Variants in ARID1A observed in about 807,000 individuals in gnomAD.
ARID1A encodes the protein AT-rich interaction domain 1A.
A neutral mutation model predicts 212.6 loss-of-function variants in ARID1A; 20 were observed. The observed-to-expected ratio is 0.09, with a 90% CI of 0.07 to 0.14. The LOEUF (loss-of-function observed/expected upper bound fraction) is 0.14, where lower values mean the gene tolerates loss of function less well. ARID1A is among the 10% of genes least tolerant of loss of function. The pLI, the probability that ARID1A is intolerant of heterozygous loss-of-function variation, is 1.00. For synonymous variants in ARID1A, 1,376 were observed against 1,222.1 expected (o/e 1.13, Z -2.63); for missense variants, 2,587 against 3,059.0 (o/e 0.85, Z 3.64).
chr1:26,772,075 G>T, intron 12 of ARID1A: 1 of 183,762 alleles, frequency 5.4e-6, no homozygotes, highest in Non-Finnish European at 1.2e-5. Flanking sequence ...CTTTAGAACA[G>T]GAGCTCCTAG....
chr1:26,711,690 G>A (rs2080456146), intron 1 of ARID1A, among the ~76,000 whole-genome samples: 1 of 152,134 alleles, frequency 6.6e-6, no homozygotes, highest in Admixed American at 6.5e-5. Context: ...GGGGCTCCCT[G>A]CCTTCCATTT....
At chr1:26,720,913 A>G (rs1331321247) in intron 1 of ARID1A, among the ~76,000 whole-genome samples, 3 of 151,296 alleles carry the variant, frequency 2.0e-5, no homozygotes, top group Admixed American at 6.6e-5. Context: ...CCCCCATCCC[A>G]GACCTGCTAA....
chr1:26,760,764 T>G (rs2080983839), intron 4 of ARID1A, 92 bp from the exon 5 acceptor site: 1 of 1,386,172 alleles, frequency 7.2e-7, no homozygotes, highest in Admixed American at 2.0e-5. Flanking sequence ...TCTTGGTTGT[T>G]TAAGGAAAAT....
At position 26,766,556 on chromosome 1, in the gene ARID1A, C is replaced by G. The variant is rs768939369; in HGVS notation, c.2978C>G (p.Ser993Cys). 6.2e-7 allele frequency: 1 copy of G among 1,611,020 alleles called. No individual in the cohort carries two copies. The highest frequency in any genetic ancestry group is 8.5e-7 in the Non-Finnish European group (1 of 1,178,520). ...GCAGATGGGACACCCAAGACAGAATCCAAATCCAAGGTAGTGATTTTTGTC... is the reference window on the plus strand; with the variant it reads ...GCAGATGGGACACCCAAGACAGAATGCAAATCCAAGGTAGTGATTTTTGTC... ...NKADGTPKTESKSKKSSSSTT... is the reference protein window; with the variant it reads ...NKADGTPKTECKSKKSSSSTT... The change falls in exon 10 of 20, where the codon TCC becomes TGC. Residue 993 changes from serine (S) to cysteine (C), a missense_variant. This residue lies in a region of ARID1A where 674 missense variants were observed against 813.4 expected (regional missense o/e 0.83). Coordinates refer to ENST00000324856, the MANE Select transcript of ARID1A (RefSeq NM_006015.6).
intron 4 of ARID1A, among the ~76,000 whole-genome samples, chr1:26,735,962 C>T (rs1452941047): frequency 1.3e-5 from 2 of 152,152 alleles, no homozygotes; most frequent in Non-Finnish European, 2.9e-5. Flanking sequence ...ACTACCTAAT[C>T]AAGCTTCAAG....
chr1:26,736,090 C>T (rs531841482), intron 4 of ARID1A, among the ~76,000 whole-genome samples: 1 of 151,880 alleles, frequency 6.6e-6, no homozygotes, highest in East Asian at 1.9e-4. Context: ...TTTGGGAGGC[C>T]AAGGCGGGCA....
chr1:26,720,476 CAA>C (rs750462088), intron 1 of ARID1A, among the ~76,000 whole-genome samples: 11 of 97,750 alleles, frequency 1.1e-4, no homozygotes, highest in Admixed American at 3.2e-4. Context: ...GACTCCATCT[CAA>C]AAAAAAAAAA....
Position 26,708,266 on chromosome 1 carries a change from C to CTTTTTTT in ARID1A, c.1137+10756_1137+10762dup, listed in dbSNP as rs397860721. On this transcript the variant is annotated intron_variant, in intron 1 of 19. Coordinates refer to ENST00000324856, the MANE Select transcript of ARID1A (RefSeq NM_006015.6). The stretch of plus-strand genomic sequence containing the variant: ...TCAGCCTTTAAGATACAGTCCTTCA[C>CTTTTTTT]TTTTTTTTTTTTTTTTTTTTTTTTT... Among the ~76,000 whole-genome samples, 22 of 23,754 alleles carry CTTTTTTT rather than the reference C, an allele frequency of 9.3e-4. 8 individuals are homozygous for CTTTTTTT. Among genetic ancestry groups the CTTTTTTT allele is most frequent in the Non-Finnish European group, 1.2e-3 (17 of 13,996 alleles). 15.6% of individuals were successfully genotyped at this position (23,754 alleles called of 152,430 possible).
At chr1:26,722,506 A>G (rs1022021820) in intron 1 of ARID1A, among the ~76,000 whole-genome samples, 2 of 152,164 alleles carry the variant, frequency 1.3e-5, no homozygotes, top group Non-Finnish European at 2.9e-5. Context: ...TGGCCACCCA[A>G]CGTGTTGGGA....
At position 26,771,394 on chromosome 1, in the gene ARID1A, A is replaced by ATCC; in HGVS notation, c.3406+69_3406+70insCCT. 8.8e-6 allele frequency: 13 copies of ATCC among 1,476,594 alleles called. No individual in the cohort carries two copies. Among genetic ancestry groups the ATCC allele is most frequent in the Non-Finnish European group, 1.0e-5 (11 of 1,063,930 alleles). 91.5% of individuals were successfully genotyped at this position (1,476,594 alleles called of 1,614,324 possible). A position where few individuals can be genotyped will look rare whatever the true frequency, so the allele number is the denominator to read the frequency against. On this transcript the variant is annotated intron_variant, in intron 12 of 19. Transcript: ENST00000324856. This position sits in a 1 kb window ranked among gnomAD's most constrained non-coding sequence, Gnocchi z 5.4. ...GTTGCCCTGGCCTCTTATTCAGGAT[A>ATCC]TGAATAAGAGGCTTATCCAACAGGA...
Position 26,718,504 on chromosome 1 carries a change from C to T in ARID1A, c.1138-11147C>T, listed in dbSNP as rs992266855. ...AGACCCTATATGTACAAATGCCCCT[C>T]GGTATCCGTAGGGGGTTGGTTCCAG... On this transcript the variant is annotated intron_variant, in intron 1 of 19. Transcript: ENST00000324856. Among the ~76,000 whole-genome samples, 4 of 152,082 alleles carry T rather than the reference C, an allele frequency of 2.6e-5. No homozygotes were observed. The South Asian group carries it at 8.3e-4, about 32-fold the overall frequency.
intron 4 of ARID1A, among the ~76,000 whole-genome samples, chr1:26,759,709 C>T (rs1447214851): frequency 6.6e-6 from 1 of 152,108 alleles, no homozygotes; most frequent in Non-Finnish European, 1.5e-5. Flanking sequence ...GTTTGTTGAC[C>T]TAGAGTGAAC....
chr1:26,714,048 CTG>C (rs1370112851), intron 1 of ARID1A, among the ~76,000 whole-genome samples: 1 of 152,198 alleles, frequency 6.6e-6, no homozygotes, highest in African/African-American at 2.4e-5. Context: ...GCATCATAGA[CTG>C]TGAAGTGGTT....
chr1:26,729,595 T>C, intron 1 of ARID1A, 56 bp from the exon 2 acceptor site: 1 of 1,589,268 alleles, frequency 6.3e-7, no homozygotes, highest in South Asian at 1.1e-5. Flanking sequence ...GGGTTATATA[T>C]TCAGTGGCCA....
At chr1:26,770,744 C>T (rs1001494370) in intron 11 of ARID1A, 8 of 210,574 alleles carry the variant, frequency 3.8e-5, no homozygotes, top group Non-Finnish European at 7.7e-5. Context: ...GGCGACAGAG[C>T]GAGATTTATT....
At chr1:26,712,896 A>G (rs1252210171) in intron 1 of ARID1A, among the ~76,000 whole-genome samples, 1 of 152,250 alleles carries the variant, frequency 6.6e-6, no homozygotes, top group Non-Finnish European at 1.5e-5. Context: ...TTGAAGACCA[A>G]GTGAAGAACC....
At chr1:26,723,985 GACTTCCTTA>G (rs1446666937) in intron 1 of ARID1A, among the ~76,000 whole-genome samples, 2 of 152,234 alleles carry the variant, frequency 1.3e-5, no homozygotes, top group Non-Finnish European at 2.9e-5. Flanking sequence ...TAGCAGTGCC[GACTTCCTTA>G]ACTACCGCTC....
intron 1 of ARID1A, among the ~76,000 whole-genome samples, chr1:26,705,069 A>G (rs1430375513): frequency 6.6e-6 from 1 of 152,074 alleles, no homozygotes. Flanking sequence ...TGGCATGTCC[A>G]GTGCCAGGCC....
intron 1 of ARID1A, among the ~76,000 whole-genome samples, chr1:26,702,295 G>A (rs535453185): frequency 6.6e-6 from 1 of 152,202 alleles, no homozygotes; most frequent in Non-Finnish European, 1.5e-5. Flanking sequence ...TGCTTTGCAC[G>A]TGGTCCTGGA....
Sources: allele counts gnomAD v4.1 joint callset (sites outside exome capture counted in the v4.1 genomes callset), GRCh38; gene constraint gnomAD v4.1.1; regional missense constraint gnomAD v4.1.1; non-coding constraint Gnocchi (gnomAD v3.1); transcripts MANE v1.5; gene names NCBI Gene and HGNC (gene_info 2026-07-23, HGNC 2026-07-21).